NLGN1: variants seen among roughly 807,000 people sequenced by gnomAD.
NLGN1 encodes the protein neuroligin 1, also known as neuroligin-1.
Under a neutral mutation model 65.5 loss-of-function variants are expected in NLGN1, and 12 were observed. That is an observed-to-expected ratio of 0.18 (90% CI 0.12 to 0.30). The LOEUF is 0.30. NLGN1 is among the 10% of genes least tolerant of loss of function. The probability of loss-of-function intolerance (pLI) is 1.00; values close to 1 mark genes in which losing one functional copy is unlikely to be tolerated. For synonymous variants in NLGN1, 350 were observed against 359.5 expected, an observed-to-expected ratio of 0.97 and a Z score of 0.30; for missense variants, 750 against 1,007.1, an observed-to-expected ratio of 0.74 and a Z score of 3.46.
intron 2 of NLGN1, among the ~76,000 whole-genome samples, chr3:173,547,762 A>G (rs1276729336): frequency 6.6e-6 from 1 of 152,106 alleles, no homozygotes; most frequent in Admixed American, 6.6e-5. Flanking sequence ...GCTATCAGCA[A>G]TCAGAAGTTG....
At chr3:173,835,950 A>C (rs1272922414) in intron 4 of NLGN1, among the ~76,000 whole-genome samples, 1 of 152,142 alleles carries the variant, frequency 6.6e-6, no homozygotes, top group African/African-American at 2.4e-5. Context: ...TCACAACCGC[A>C]CTGTAAGGTT....
At chr3:173,643,978 A>C (rs1757818336) in intron 3 of NLGN1, among the ~76,000 whole-genome samples, 1 of 152,216 alleles carries the variant, frequency 6.6e-6, no homozygotes, top group African/African-American at 2.4e-5. Context: ...GGAAGCTGCC[A>C]GTCCACCAGC....
At chr3:173,983,039 C>G (rs1348685721) in intron 4 of NLGN1, among the ~76,000 whole-genome samples, 1 of 152,040 alleles carries the variant, frequency 6.6e-6, no homozygotes, top group African/African-American at 2.4e-5. Context: ...CTTTTTCTCT[C>G]AAGGAAAAAA....
At chr3:173,935,814 C>G (rs1157427611) in intron 4 of NLGN1, among the ~76,000 whole-genome samples, 1 of 151,730 alleles carries the variant, frequency 6.6e-6, no homozygotes, top group South Asian at 2.1e-4. Flanking sequence ...TGTTTAGCAA[C>G]CAAGGATTAA....
chr3:173,789,256 G>A (rs1423694898), intron 3 of NLGN1, among the ~76,000 whole-genome samples: 1 of 151,878 alleles, frequency 6.6e-6, no homozygotes, highest in African/African-American at 2.4e-5. Context: ...AGGAAAGAAA[G>A]TTAGTTTTAA....
intron 2 of NLGN1, among the ~76,000 whole-genome samples, chr3:173,519,099 T>C (rs1047038856): frequency 2.0e-5 from 3 of 152,172 alleles, no homozygotes; most frequent in African/African-American, 7.2e-5. Flanking sequence ...GTGCAAACTA[T>C]AAGTCTTTGC....
chr3:173,856,035 C>A (rs1160284379), intron 4 of NLGN1, among the ~76,000 whole-genome samples: 1 of 152,052 alleles, frequency 6.6e-6, no homozygotes, highest in Non-Finnish European at 1.5e-5. Flanking sequence ...AAGCAAGAAG[C>A]AAAGGAACTA....
intron 4 of NLGN1, among the ~76,000 whole-genome samples, chr3:173,850,632 C>A (rs1321808985): frequency 1.7e-4 from 26 of 152,214 alleles, no homozygotes; most frequent in Non-Finnish European, 8.8e-5. Context: ...ATTTTTCTTG[C>A]TGATTTTAAA....
chr3:174,238,576 T>A (rs1272495282), intron 4 of NLGN1, among the ~76,000 whole-genome samples: 1 of 152,176 alleles, frequency 6.6e-6, no homozygotes, highest in Non-Finnish European at 1.5e-5. Context: ...TTGGCCCGGA[T>A]GGTCTCAATC....
chr3:174,211,457 T>C (rs1736494087), intron 4 of NLGN1, among the ~76,000 whole-genome samples: 1 of 151,740 alleles, frequency 6.6e-6, no homozygotes, highest in Non-Finnish European at 1.5e-5. Context: ...ATACAGAGTG[T>C]CGGTTGTTGC....
intron 2 of NLGN1, among the ~76,000 whole-genome samples, chr3:173,566,716 A>G (rs1187099173): frequency 6.6e-6 from 1 of 152,072 alleles, no homozygotes; most frequent in African/African-American, 2.4e-5. Context: ...TGACTCATAC[A>G]TATTTATTTT....
downstream of NLGN1, among the ~76,000 whole-genome samples, chr3:174,287,645 C>G (rs1303827529): frequency 4.6e-5 from 7 of 151,420 alleles, no homozygotes; most frequent in African/African-American, 1.7e-4. Context: ...AGTACTGTCT[C>G]AATTTTGGAG....
chr3:174,033,564 T>G (rs538065907), intron 4 of NLGN1, among the ~76,000 whole-genome samples: 2 of 152,106 alleles, frequency 1.3e-5, no homozygotes, highest in Admixed American at 6.5e-5. Context: ...AATGGAAAAC[T>G]TAGACAACAT....
chr3:173,781,253 A>G (rs1276089130), intron 3 of NLGN1, among the ~76,000 whole-genome samples: 1 of 152,166 alleles, frequency 6.6e-6, no homozygotes, highest in Non-Finnish European at 1.5e-5. Flanking sequence ...AGCATTTAAA[A>G]TAGTTTATTG....
At chr3:174,177,547 G>C (rs941816465) in intron 4 of NLGN1, among the ~76,000 whole-genome samples, 21 of 151,958 alleles carry the variant, frequency 1.4e-4, no homozygotes, top group African/African-American at 4.8e-4. Flanking sequence ...TTATAAGTCA[G>C]TGTCTTCAGC....
intron 4 of NLGN1, among the ~76,000 whole-genome samples, chr3:174,249,669 G>A (rs1222333352): frequency 6.6e-6 from 1 of 152,194 alleles, no homozygotes. Flanking sequence ...TTTGTAAAAA[G>A]TGAGTCCTAT....
intron 4 of NLGN1, among the ~76,000 whole-genome samples, chr3:173,816,357 G>T (rs1719044536): frequency 6.6e-6 from 1 of 152,180 alleles, no homozygotes; most frequent in Non-Finnish European, 1.5e-5. Flanking sequence ...AGTGAGTAGA[G>T]AGGCTAACTA....
chr3:173,420,571 T>C (rs1714844027), intron 1 of NLGN1, among the ~76,000 whole-genome samples: 1 of 152,216 alleles, frequency 6.6e-6, no homozygotes, highest in Non-Finnish European at 1.5e-5. Context: ...AGCATGATTT[T>C]ATAATCCTCT....
chr3:173,800,175 C>A, intron 3 of NLGN1: 2 of 238,386 alleles, frequency 8.4e-6, no homozygotes, highest in South Asian at 6.4e-5. Context: ...CACTTCCCCA[C>A]TCTTTTTGGA....
Sources: gnomAD v4.1 joint callset for allele counts (sites outside exome capture counted in the v4.1 genomes callset) on GRCh38, gnomAD v4.1.1 for gene constraint, MANE v1.5 for transcripts, NCBI Gene and HGNC (gene_info 2026-07-23, HGNC 2026-07-21) for gene names.